SRI: variants seen among roughly 807,000 people sequenced by gnomAD.
SRI encodes the protein 22 kDa protein.
Under a neutral mutation model 33.3 loss-of-function variants are expected in SRI, and 30 were observed. That is an observed-to-expected ratio of 0.90 (90% CI 0.67 to 1.22). The LOEUF (loss-of-function observed/expected upper bound fraction) is 1.22. SRI is among the 50% of genes most tolerant of loss of function. SRI has a pLI of 0.00. For missense variants in SRI, 243 were observed against 250.8 expected (o/e 0.97, Z 0.21); for synonymous variants, 75 against 89.9 (o/e 0.83, Z 0.94).
chr7:88,215,648 G>A (rs925195664), intron 3 of SRI, among the ~76,000 whole-genome samples: 1 of 152,132 alleles, frequency 6.6e-6, no homozygotes, highest in African/African-American at 2.4e-5. Context: ...AAGAGTAATA[G>A]GATACTAAAG....
chr7:88,207,914 A>C (rs1851471902), intron 7 of SRI: 1 of 151,934 alleles, frequency 6.6e-6, no homozygotes, highest in South Asian at 2.1e-4. Context: ...CTAGAACCCG[A>C]GACGTGGAGG....
intron 1 of SRI, chr7:88,219,580 A>C: frequency 9.8e-6 from 2 of 204,340 alleles, no homozygotes; most frequent in Non-Finnish European, 9.1e-6. Flanking sequence ...TTGTTTTTTA[A>C]AGGGAGGAAG....
At chr7:88,208,274 C>T in intron 7 of SRI, 1 of 1,097,996 alleles carries the variant, frequency 9.1e-7, no homozygotes, top group Non-Finnish European at 1.2e-6. Flanking sequence ...ATAAATACAA[C>T]AAGCTGGGTC....
upstream of SRI, among the ~76,000 whole-genome samples, chr7:88,220,453 C>A (rs1055023875): frequency 6.6e-6 from 1 of 151,874 alleles, no homozygotes; most frequent in Admixed American, 6.6e-5. Flanking sequence ...ATAAGCGGAG[C>A]GCACCATCGC....
chr7:88,221,063 GT>G (rs1326702480), upstream of SRI, among the ~76,000 whole-genome samples: 1 of 152,108 alleles, frequency 6.6e-6, no homozygotes, highest in Non-Finnish European at 1.5e-5. Flanking sequence ...GAATTTTAAC[GT>G]ATTGAGAAAC....
At chr7:88,223,482 A>G (rs1851934308), upstream of SRI, among the ~76,000 whole-genome samples, 4 of 152,158 alleles carry the variant, frequency 2.6e-5, no homozygotes, top group Admixed American at 2.6e-4. Context: ...TCTGTATGAG[A>G]GAGTCTACAT....
chr7:88,218,684 C>T, intron 2 of SRI, 175 bp downstream of exon 2: 1 of 591,888 alleles, frequency 1.7e-6, no homozygotes. Context: ...ACTTTGTCCT[C>T]ATTTATTCTG....
At position 88,217,193 on chromosome 7, in the gene SRI, T is replaced by G. The variant is rs759457136; in HGVS notation, c.136-2A>C. 6.2e-7 allele frequency: 1 copy of G among 1,612,004 alleles called. No individual in the cohort carries two copies. Among genetic ancestry groups the G allele is most frequent in the South Asian group, 1.1e-5 (1 of 90,978 alleles). ...TTCATCAGCATCTATCTGCCCATCC[T>G]TTTGAAAAAAAATTAGAGGAATCAT... On this transcript the variant is annotated splice_acceptor_variant, in intron 2 of 7. Transcript: ENST00000265729. LOFTEE classifies it high-confidence loss of function.
At chr7:88,209,907 C>T (rs929889001) in intron 5 of SRI, 76 bp downstream of exon 5, 2 of 1,593,484 alleles carry the variant, frequency 1.3e-6, no homozygotes, top group Admixed American at 1.7e-5. Context: ...TGAGCCACTG[C>T]ACCCAGCCTG....
intron 7 of SRI, chr7:88,207,738 A>C (rs1851466692): frequency 6.6e-6 from 1 of 152,316 alleles, no homozygotes. Flanking sequence ...CACGCCTGTA[A>C]TCCCAGCACT....
chr7:88,211,630 T>C (rs1851581818), intron 3 of SRI, among the ~76,000 whole-genome samples: 1 of 152,180 alleles, frequency 6.6e-6, no homozygotes, highest in Admixed American at 6.5e-5. Context: ...TTTTGCTAAT[T>C]TTGTGTCTGA....
At chr7:88,222,258 G>A (rs1464468146), upstream of SRI, among the ~76,000 whole-genome samples, 6 of 150,544 alleles carry the variant, frequency 4.0e-5, no homozygotes, top group African/African-American at 1.2e-4. Flanking sequence ...CTGAGGAATC[G>A]CCACACTGAC....
At chr7:88,224,643 T>G (rs1429759900), upstream of SRI, among the ~76,000 whole-genome samples, 7 of 150,632 alleles carry the variant, frequency 4.6e-5, no homozygotes, top group Non-Finnish European at 7.4e-5. Context: ...TGATGTTCAT[T>G]TGGGAATAAA....
intron 3 of SRI, chr7:88,214,853 T>C: frequency 8.0e-7 from 1 of 1,256,884 alleles, no homozygotes; most frequent in South Asian, 1.3e-5. Flanking sequence ...CATCTTTTCT[T>C]CTCACAGAAA....
chr7:88,218,717 A>C, intron 2 of SRI, 142 bp downstream of exon 2: 1 of 718,058 alleles, frequency 1.4e-6, no homozygotes, highest in Non-Finnish European at 2.4e-6. Flanking sequence ...TAAAAAACTA[A>C]AATAAGAAAC....
chr7:88,219,977 C>T lies in SRI; in HGVS notation c.50G>A (p.Gly17Glu), dbSNP rs778070993. ...CGATCCCGCGCAGTCAGCACTTACC[C>T]CGCCTGGGTAGTACCCGCCGCCGGC... ...PGAGGGYYPG[G>E]YGGAPGGPAF... The change falls in exon 1 of 8, where the codon GGG (glycine) becomes GAG (glutamate). Residue 17 changes from glycine to glutamate, a missense_variant and splice_region_variant. By Grantham distance (98) the Gly-to-Glu change is moderately conservative. Transcript: ENST00000265729. The T allele has an allele frequency of 5.2e-6, 8 of 1,540,188 alleles. No individual in the cohort carries two copies. The Admixed American group carries it at 1.4e-4, about 26-fold the overall frequency.
intron 2 of SRI, among the ~76,000 whole-genome samples, chr7:88,217,516 A>T (rs1413648227): frequency 6.6e-6 from 1 of 152,178 alleles, no homozygotes; most frequent in Non-Finnish European, 1.5e-5. Flanking sequence ...CAAAGCAGAC[A>T]TCAATAAATA....
At chr7:88,220,232 G>T (rs1054952175), upstream of SRI, 1 of 983,768 alleles carries the variant, frequency 1.0e-6, no homozygotes, top group South Asian at 4.7e-5. Flanking sequence ...CCATTACGGC[G>T]CTAATGCAGT....
chr7:88,208,203 A>G (rs908497011), intron 7 of SRI: 45 of 348,138 alleles, frequency 1.3e-4, no homozygotes, highest in Non-Finnish European at 2.1e-4. Flanking sequence ...CATTACTACT[A>G]TATCTTCTTT....
Sources: allele counts gnomAD v4.1 joint callset (sites outside exome capture counted in the v4.1 genomes callset), GRCh38; gene constraint gnomAD v4.1.1; transcripts MANE v1.5; gene names NCBI Gene and HGNC (gene_info 2026-07-23, HGNC 2026-07-21).